Variants in PCDH9 observed in about 807,000 individuals in gnomAD.
PCDH9 encodes protocadherin 9, also known as protocadherin-9.
Under a neutral mutation model 70.6 loss-of-function variants are expected in PCDH9, and 24 were observed. The ratio of observed to expected loss-of-function variants is 0.34; its 90% CI spans 0.25 to 0.48. The LOEUF is 0.48. Ranked by LOEUF, PCDH9 falls within the 20% of genes least tolerant of loss-of-function variation. PCDH9 has a pLI of 0.99. For missense variants in PCDH9, 1,281 were observed against 1,503.6 expected (o/e 0.85, Z 2.45); for synonymous variants, 562 against 558.5 (o/e 1.01, Z -0.09).
At chr13:66,773,591 C>CTGCA (rs1347745029) in intron 3 of PCDH9, among the ~76,000 whole-genome samples, 3 of 150,478 alleles carry the variant, frequency 2.0e-5, no homozygotes, top group Non-Finnish European at 4.4e-5. Flanking sequence ...GATTGCGCTA[C>CTGCA]TGCACTCCAG....
At chr13:67,197,495 T>C in intron 2 of PCDH9, among the ~76,000 whole-genome samples, 1 of 152,030 alleles carries the variant, frequency 6.6e-6, no homozygotes, top group East Asian at 1.9e-4. Context: ...CAATAACTTT[T>C]TATTTGGTTG....
At chr13:66,954,261 T>C (rs2083231856) in intron 2 of PCDH9, among the ~76,000 whole-genome samples, 1 of 152,214 alleles carries the variant, frequency 6.6e-6, no homozygotes, top group African/African-American at 2.4e-5. Flanking sequence ...TATGTATAAA[T>C]ACATAATTAT....
chr13:66,396,275 T>C (rs1347163222), intron 4 of PCDH9, among the ~76,000 whole-genome samples: 2 of 152,208 alleles, frequency 1.3e-5, no homozygotes, highest in Non-Finnish European at 1.5e-5. Context: ...GTTATAGAAC[T>C]CTTTTCAACT....
intron 2 of PCDH9, among the ~76,000 whole-genome samples, chr13:67,189,719 T>C (rs1168605275): frequency 6.6e-6 from 1 of 151,848 alleles, no homozygotes; most frequent in Non-Finnish European, 1.5e-5. Flanking sequence ...TAGAAAGCAA[T>C]AACGAGGCAG....
chr13:67,148,191 A>C (rs1594576991), intron 2 of PCDH9, among the ~76,000 whole-genome samples: 1 of 141,446 alleles, frequency 7.1e-6, no homozygotes, highest in Admixed American at 7.2e-5. Context: ...TGTTAAGGCT[A>C]CCTCCATGTC....
intron 3 of PCDH9, among the ~76,000 whole-genome samples, chr13:66,728,281 C>T (rs1391553852): frequency 6.6e-6 from 1 of 152,132 alleles, no homozygotes; most frequent in African/African-American, 2.4e-5. Flanking sequence ...TAATAAACTT[C>T]CTTTGTACAC....
chr13:66,668,992 C>A (rs1233971174), intron 3 of PCDH9, among the ~76,000 whole-genome samples: 1 of 152,074 alleles, frequency 6.6e-6, no homozygotes, highest in African/African-American at 2.4e-5. Context: ...AAATATTGCA[C>A]CTAAATATGA....
At chr13:67,151,502 C>G (rs1566457569) in intron 2 of PCDH9, among the ~76,000 whole-genome samples, 1 of 151,836 alleles carries the variant, frequency 6.6e-6, no homozygotes. Flanking sequence ...TTATTGTTTG[C>G]CTGAAAAAAA....
At chr13:66,806,436 T>C (rs999778594) in intron 3 of PCDH9, among the ~76,000 whole-genome samples, 1 of 152,098 alleles carries the variant, frequency 6.6e-6, no homozygotes, top group African/African-American at 2.4e-5. Flanking sequence ...AAATAGACTA[T>C]TGGTTACTAT....
intron 4 of PCDH9, among the ~76,000 whole-genome samples, chr13:66,571,314 A>G (rs928018338): frequency 6.6e-6 from 1 of 152,058 alleles, no homozygotes; most frequent in African/African-American, 2.4e-5. Flanking sequence ...TTCATCTGGA[A>G]GCCTCTTTAT....
At chr13:67,219,120 G>A (rs2089670747) in intron 2 of PCDH9, 1 of 151,968 alleles carries the variant, frequency 6.6e-6, no homozygotes, top group African/African-American at 2.4e-5. Flanking sequence ...AAATATGAAT[G>A]AGAAAGATTA....
chr13:67,140,685 C>T (rs1236437655), intron 2 of PCDH9, among the ~76,000 whole-genome samples: 1 of 152,156 alleles, frequency 6.6e-6, no homozygotes, highest in Non-Finnish European at 1.5e-5. Context: ...TCCAATGTGC[C>T]TCCTCCACTC....
At chr13:66,746,112 G>A (rs1341808134) in intron 3 of PCDH9, among the ~76,000 whole-genome samples, 1 of 152,046 alleles carries the variant, frequency 6.6e-6, no homozygotes, top group Non-Finnish European at 1.5e-5. Context: ...GGCATTACCT[G>A]TATGTTGCCA....
Position 66,806,761 on chromosome 13 carries a change from G to A in PCDH9, c.3138+96743C>T, listed in dbSNP as rs187985379. 7.9e-5 allele frequency among the ~76,000 whole-genome samples: 12 copies of A among 152,188 alleles called. 1 individual carries two copies. Among genetic ancestry groups the A allele is most frequent in the Admixed American group, 7.9e-4 (12 of 15,276 alleles). On this transcript the variant is annotated intron_variant, in intron 3 of 4. Transcript: ENST00000377865. Reference sequence around the variant, plus strand: ...GTGCTGTAGTTAATGAGTCAAGGAAGTACGGTGCTTAGCACAGCACCTGCA... The same window carrying A: ...GTGCTGTAGTTAATGAGTCAAGGAAATACGGTGCTTAGCACAGCACCTGCA...
At chr13:66,904,653 C>T (rs1259140533) in intron 2 of PCDH9, among the ~76,000 whole-genome samples, 1 of 151,908 alleles carries the variant, frequency 6.6e-6, no homozygotes, top group Non-Finnish European at 1.5e-5. Flanking sequence ...CAATGAAATG[C>T]TACCTTTACT....
chr13:66,655,069 T>C (rs1178366169), intron 3 of PCDH9, among the ~76,000 whole-genome samples: 2 of 152,020 alleles, frequency 1.3e-5, no homozygotes. Flanking sequence ...TGTAGAAGTG[T>C]TGATTGTCTG....
rs2089970764 is a variant in PCDH9 at position 67,229,984 on chromosome 13, T to G, written c.-340A>C. 6.6e-6 allele frequency: 1 copy of G among 152,190 alleles called. No individual in the cohort carries two copies. The highest frequency in any genetic ancestry group is 2.4e-5 in the African/African-American group (1 of 41,434). The allele number at this position is 152,190 out of a possible 1,614,324, so 9.4% of individuals were successfully genotyped here. On this transcript the variant is annotated 5_prime_UTR_variant, in exon 1 of 5. Transcript: ENST00000377865. The stretch of plus-strand genomic sequence containing the variant: ...AATTCACGGATTTGTCGTTAGTCAT[T>G]CTCTCCACATTTCGTCTCTCTTACC...
intron 4 of PCDH9, among the ~76,000 whole-genome samples, chr13:66,500,228 T>C (rs1594071881): frequency 6.6e-6 from 1 of 152,188 alleles, no homozygotes; most frequent in East Asian, 1.9e-4. Flanking sequence ...GTAATCCCTT[T>C]GCATGTCTCA....
At chr13:66,422,216 T>A (rs983821520) in intron 4 of PCDH9, among the ~76,000 whole-genome samples, 1 of 152,164 alleles carries the variant, frequency 6.6e-6, no homozygotes, top group African/African-American at 2.4e-5. Flanking sequence ...AATGGGAGAC[T>A]TTAACACCCC....
Sources: allele counts gnomAD v4.1 joint callset (sites outside exome capture counted in the v4.1 genomes callset), GRCh38; gene constraint gnomAD v4.1.1; transcripts MANE v1.5; gene names NCBI Gene and HGNC (gene_info 2026-07-23, HGNC 2026-07-21).